Variants in ARHGEF28 observed in about 807,000 individuals in gnomAD.
ARHGEF28 encodes 190 kDa guanine nucleotide exchange factor.
In ARHGEF28, 152 loss-of-function variants were observed where a neutral mutation model predicts 206.6. The ratio of observed to expected loss-of-function variants is 0.74; its 90% CI spans 0.64 to 0.84. The LOEUF (loss-of-function observed/expected upper bound fraction) is 0.84. Ranked by LOEUF, ARHGEF28 falls within the 40% of genes least tolerant of loss-of-function variation. The pLI is 0.00. For synonymous variants in ARHGEF28, 763 were observed against 776.4 expected, an observed-to-expected ratio of 0.98 and a Z score of 0.29; for missense variants, 2,028 against 2,073.2, an observed-to-expected ratio of 0.98 and a Z score of 0.42.
At chr5:73,633,743 A>G (rs991776562) in intron 1 of ARHGEF28, among the ~76,000 whole-genome samples, 1 of 151,656 alleles carries the variant, frequency 6.6e-6, no homozygotes, top group Non-Finnish European at 1.5e-5. Flanking sequence ...TGCCCAGCTA[A>G]TTTTTATATT....
At chr5:73,874,449 T>A (rs1360843720) in intron 22 of ARHGEF28, among the ~76,000 whole-genome samples, 1 of 151,906 alleles carries the variant, frequency 6.6e-6, no homozygotes, top group Non-Finnish European at 1.5e-5. Context: ...TTAGGGTACA[T>A]GTGCACAATG....
At chr5:73,732,318 ATG>A (rs1406349389) in intron 2 of ARHGEF28, among the ~76,000 whole-genome samples, 1 of 151,800 alleles carries the variant, frequency 6.6e-6, no homozygotes, top group Middle Eastern at 3.4e-3. Flanking sequence ...ATCATGTAGT[ATG>A]TAACTTGTTC....
chr5:73,745,774 A>G (rs148258207), intron 2 of ARHGEF28, among the ~76,000 whole-genome samples: 1 of 152,196 alleles, frequency 6.6e-6, no homozygotes, highest in African/African-American at 2.4e-5. Flanking sequence ...GGGAAAGGGA[A>G]TGATTCTGAC....
At chr5:73,706,720 C>T (rs916478194) in intron 2 of ARHGEF28, among the ~76,000 whole-genome samples, 1 of 152,130 alleles carries the variant, frequency 6.6e-6, no homozygotes, top group African/African-American at 2.4e-5. Context: ...GAGAAAACAT[C>T]CCAGTGTGTG....
rs555962163 is a variant in ARHGEF28, at chr5:73,918,457, G to A, written c.4948+6882G>A. ...ATGTTCACCTTTGGGTGAATTAATA[G>A]TGCAATATTATATGGCATTTCATGC... On this transcript the variant is annotated intron_variant, in intron 35 of 35. Coordinates refer to ENST00000513042, the MANE Select transcript of ARHGEF28 (RefSeq NM_001177693.2). Among the ~76,000 whole-genome samples, 8 of 152,300 alleles carry A rather than the reference G, an allele frequency of 5.3e-5. No homozygotes were observed. In the South Asian group the frequency reaches 1.5e-3, roughly 28 times the overall value.
intron 29 of ARHGEF28, among the ~76,000 whole-genome samples, chr5:73,897,363 C>T (rs1013913703): frequency 3.9e-5 from 6 of 152,170 alleles, no homozygotes; most frequent in African/African-American, 9.7e-5. Context: ...TGCCCAATAT[C>T]CCCTAGAACA....
intron 10 of ARHGEF28, among the ~76,000 whole-genome samples, chr5:73,839,816 G>A (rs931571841): frequency 3.9e-5 from 6 of 152,144 alleles, no homozygotes; most frequent in Non-Finnish European, 5.9e-5. Context: ...TGCACTTTAT[G>A]TAGCTTTATT....
intron 4 of ARHGEF28, among the ~76,000 whole-genome samples, chr5:73,758,483 T>A (rs148901181): frequency 6.6e-6 from 1 of 152,382 alleles, no homozygotes; most frequent in African/African-American, 2.4e-5. Context: ...GCAGAAGTTC[T>A]TCTGCTCATT....
intron 21 of ARHGEF28, 115 bp from the exon 22 acceptor site, chr5:73,872,884 C>A: frequency 8.3e-7 from 1 of 1,205,150 alleles, no homozygotes; most frequent in Non-Finnish European, 1.1e-6. Context: ...CTTGATATTC[C>A]TAAACATTTC....
chr5:73,804,187 T>G (rs992924544), intron 9 of ARHGEF28, among the ~76,000 whole-genome samples: 4 of 152,108 alleles, frequency 2.6e-5, no homozygotes, highest in Admixed American at 6.5e-5. Context: ...TCTTGAGATT[T>G]GTCTGCCAAT....
At chr5:73,764,544 T>C (rs1006777804) in intron 4 of ARHGEF28, among the ~76,000 whole-genome samples, 18 of 152,088 alleles carry the variant, frequency 1.2e-4, no homozygotes, top group African/African-American at 3.4e-4. Flanking sequence ...TGATGGGTGT[T>C]TTCCCAAATT....
chr5:73,904,878 C>G (rs975806442), intron 33 of ARHGEF28: 8 of 159,898 alleles, frequency 5.0e-5, no homozygotes, highest in Non-Finnish European at 1.1e-4. Flanking sequence ...CACACAGTGC[C>G]TGTCTCTGTG....
chr5:73,626,574 CG>C (rs1743024173), intron 1 of ARHGEF28, among the ~76,000 whole-genome samples: 1 of 151,996 alleles, frequency 6.6e-6, no homozygotes, highest in Non-Finnish European at 1.5e-5. Flanking sequence ...CTGCGGAGCG[CG>C]GGGTCGCTCG....
intron 1 of ARHGEF28, among the ~76,000 whole-genome samples, chr5:73,655,997 G>A (rs1204699477): frequency 6.6e-6 from 1 of 152,118 alleles, no homozygotes; most frequent in Non-Finnish European, 1.5e-5. Flanking sequence ...GTATGTTTTT[G>A]TTTCTAAGAA....
chr5:73,922,604 C>A (rs1763578863), intron 35 of ARHGEF28, among the ~76,000 whole-genome samples: 1 of 152,064 alleles, frequency 6.6e-6, no homozygotes, highest in Non-Finnish European at 1.5e-5. Flanking sequence ...ATTAAACATT[C>A]TTAAAATTAT....
In ARHGEF28 at chr5:73,901,144, C is replaced by T. The variant is rs369682571; in HGVS notation, c.3974-40C>T. The stretch of plus-strand genomic sequence containing the variant: ...ACCCGGTGGGCTGGCCGATGTTTGA[C>T]GCTGTCCTTTTTGTTTCTGTCTCGA... On this transcript the variant is annotated intron_variant, in intron 30 of 35. Coordinates refer to ENST00000513042, the MANE Select transcript of ARHGEF28 (RefSeq NM_001177693.2). 5.5e-5 allele frequency: 87 copies of T among 1,567,802 alleles called. 1 individual carries two copies. The highest frequency in any genetic ancestry group is 1.1e-4 in the East Asian group (5 of 44,178).
intron 1 of ARHGEF28, among the ~76,000 whole-genome samples, chr5:73,630,916 T>C (rs1343908157): frequency 1.3e-5 from 2 of 152,270 alleles, no homozygotes; most frequent in Admixed American, 1.3e-4. Flanking sequence ...GGCATTTGAA[T>C]AGATGATGAG....
At chr5:73,643,478 AT>A (rs1209915391) in intron 1 of ARHGEF28, among the ~76,000 whole-genome samples, 1 of 152,172 alleles carries the variant, frequency 6.6e-6, no homozygotes, top group African/African-American at 2.4e-5. Context: ...TATTTGCTTT[AT>A]TTTTTTATTG....
chr5:73,827,580 T>A (rs1756989824), intron 9 of ARHGEF28, among the ~76,000 whole-genome samples: 1 of 152,206 alleles, frequency 6.6e-6, no homozygotes, highest in Admixed American at 6.5e-5. Context: ...CTTGCCCCAG[T>A]CACACAGCTA....
Sources: gnomAD v4.1 joint callset for allele counts (sites outside exome capture counted in the v4.1 genomes callset) on GRCh38, gnomAD v4.1.1 for gene constraint, MANE v1.5 for transcripts, NCBI Gene and HGNC (gene_info 2026-07-23, HGNC 2026-07-21) for gene names.